VCAN: variants seen among roughly 807,000 people sequenced by gnomAD.
The protein encoded by VCAN is versican core protein.
A neutral mutation model predicts 245.5 loss-of-function variants in VCAN; 44 were observed. That is an observed-to-expected ratio of 0.18 (90% CI 0.14 to 0.23). VCAN has a LOEUF of 0.23. Among genes scored for constraint, VCAN ranks in the 10% least tolerant of loss-of-function variants. VCAN has a pLI of 1.00. For missense variants in VCAN, 3,793 were observed against 4,057.9 expected, an observed-to-expected ratio of 0.93 and a Z score of 1.77; for synonymous variants, 1,413 against 1,437.0, an observed-to-expected ratio of 0.98 and a Z score of 0.38.
intron 7 of VCAN, among the ~76,000 whole-genome samples, chr5:83,525,744 TAGAA>T (rs1264897746): frequency 6.6e-6 from 1 of 152,258 alleles, no homozygotes; most frequent in South Asian, 2.1e-4. Context: ...AATTAAATGA[TAGAA>T]AGATTAAGAT....
chr5:83,556,931 A>G (rs1288164548), intron 12 of VCAN, among the ~76,000 whole-genome samples: 4 of 152,164 alleles, frequency 2.6e-5, no homozygotes, highest in Admixed American at 2.6e-4. Flanking sequence ...TAGGGTGCCC[A>G]CTATTAAGTC....
At chr5:83,552,688 T>A (rs1747514006) in intron 10 of VCAN, among the ~76,000 whole-genome samples, 1 of 152,060 alleles carries the variant, frequency 6.6e-6, no homozygotes, top group Non-Finnish European at 1.5e-5. Flanking sequence ...CCTGGTGGAA[T>A]GGGGGGGTGA....
intron 13 of VCAN, among the ~76,000 whole-genome samples, chr5:83,577,367 T>A (rs1266399770): frequency 6.6e-6 from 1 of 152,190 alleles, no homozygotes; most frequent in African/African-American, 2.4e-5. Flanking sequence ...CATAGAGCAT[T>A]TTAGCTTGTA....
intron 7 of VCAN, among the ~76,000 whole-genome samples, chr5:83,532,712 T>TA (rs201466418): frequency 2.8e-4 from 42 of 151,272 alleles, no homozygotes; most frequent in African/African-American, 8.7e-4. Context: ...ACAACCTGTC[T>TA]AAAAAAAAAT....
At chr5:83,514,588 G>A (rs1242437434) in intron 6 of VCAN, among the ~76,000 whole-genome samples, 2 of 151,816 alleles carry the variant, frequency 1.3e-5, no homozygotes, top group African/African-American at 4.8e-5. Flanking sequence ...AGCCACCCAA[G>A]TAGCTGGGTT....
intron 5 of VCAN, among the ~76,000 whole-genome samples, chr5:83,500,303 C>T (rs1457895539): frequency 2.0e-5 from 3 of 152,074 alleles, no homozygotes; most frequent in Non-Finnish European, 4.4e-5. Context: ...TTTAATTATC[C>T]GTAGCTTCCT....
In VCAN at chr5:83,580,162, C is replaced by T. The variant is rs572990120; in HGVS notation, c.10063C>T (p.Pro3355Ser). The T allele has an allele frequency of 1.8e-5, 29 of 1,613,970 alleles. No individual in the cohort carries two copies. Among genetic ancestry groups the T allele is most frequent in the African/African-American group, 5.3e-5 (4 of 75,030 alleles). The change falls in exon 14 of 15, where the codon CCA becomes TCA. Residue 3355 changes from proline (P) to serine (S), a missense_variant and splice_region_variant. Pro to Ser is a moderately conservative substitution (Grantham distance 74). Transcript: ENST00000265077. ...WAIPKITCMN[P>S]SAYQRTYSMK... The stretch of plus-strand genomic sequence containing the variant: ...TATACCTAAAATTACCTGCATGAAC[C>T]GTAAGTGGTCCTTTAGAAAGAATGG...
chr5:83,477,306 G>A (rs1744424354), intron 1 of VCAN, among the ~76,000 whole-genome samples: 1 of 152,122 alleles, frequency 6.6e-6, no homozygotes, highest in Admixed American at 6.5e-5. Flanking sequence ...ATAAATCAGA[G>A]AGGGGCATAT....
chr5:83,475,785 T>C lies in VCAN; in HGVS notation c.-7+3762T>C, dbSNP rs150438831. ...AAGTCCACAGTCCTTAATCTTCTTG[T>C]GAGAAGATTAGGTAGGAAGCGGGAT... On this transcript the variant is annotated intron_variant, in intron 1 of 14. Transcript: ENST00000265077. Among the ~76,000 whole-genome samples, 511 of 152,326 alleles carry C rather than the reference T, an allele frequency of 3.4e-3. 4 individuals carry two copies. The highest frequency in any genetic ancestry group is 6.8e-3 in the Middle Eastern group (2 of 294).
At chr5:83,554,833 C>T in intron 11 of VCAN, 123 bp from the exon 12 acceptor site, 1 of 897,186 alleles carries the variant, frequency 1.1e-6, no homozygotes, top group Non-Finnish European at 1.8e-6. Flanking sequence ...TTATGAGCAA[C>T]TAAATAAAAA....
intron 12 of VCAN, among the ~76,000 whole-genome samples, chr5:83,566,710 T>G (rs550130433): frequency 4.1e-4 from 63 of 152,292 alleles, no homozygotes; most frequent in African/African-American, 1.4e-3. Flanking sequence ...TACATGGAAT[T>G]GAGGTCACTC....
In VCAN at chr5:83,581,464, ATGT is replaced by A. The variant is rs1748677779; in HGVS notation, c.*1032_*1034del. 6.6e-6 allele frequency: 1 copy of A among 152,084 alleles called. No individual in the cohort carries two copies. The highest frequency in any genetic ancestry group is 2.4e-5 in the African/African-American group (1 of 41,392). The allele number at this position is 152,084 out of a possible 1,614,324, so 9.4% of individuals were successfully genotyped here. On this transcript the variant is annotated 3_prime_UTR_variant, in exon 15 of 15. Transcript: ENST00000265077. ...AAGCCATACTGATTTAATTTATTGG[ATGT>A]TATTTTCCCTAAGACCTGAAAATGA...
rs369600306 is a variant in VCAN, at chr5:83,580,523, A to G, written c.*89A>G. The stretch of plus-strand genomic sequence containing the variant: ...CCTATCACCTCGAGAAGTAATTATC[A>G]GTTGGTTTGGATTTTTGGACCACCG... On this transcript the variant is annotated 3_prime_UTR_variant, in exon 15 of 15. Coordinates refer to ENST00000265077, the MANE Select transcript of VCAN (RefSeq NM_004385.5). 8.8e-4 allele frequency: 1,382 copies of G among 1,575,418 alleles called. 20 individuals are homozygous for G. In the South Asian group the frequency reaches 0.015, roughly 17 times the overall value.
intron 5 of VCAN, among the ~76,000 whole-genome samples, chr5:83,499,812 T>G (rs1265763174): frequency 1.3e-5 from 2 of 152,212 alleles, no homozygotes; most frequent in African/African-American, 4.8e-5. Flanking sequence ...CAGGATGGCT[T>G]TGTCACCTCT....
chr5:83,574,927 T>C (rs1748418628), intron 13 of VCAN, among the ~76,000 whole-genome samples: 1 of 152,230 alleles, frequency 6.6e-6, no homozygotes, highest in Admixed American at 6.5e-5. Context: ...TAAAGCACGC[T>C]GTACAGACTT....
At position 83,483,725 on chromosome 5, in the gene VCAN, A is replaced by C. The variant is rs530719078; in HGVS notation, c.70+137A>C. On this transcript the variant is annotated intron_variant, in intron 2 of 14. Coordinates refer to ENST00000265077, the MANE Select transcript of VCAN (RefSeq NM_004385.5). ...TAAGTGCTGAAAACTATCAGTTAAA[A>C]TATTATTGGACCAAAAACATTAGTT... 7.4e-6 allele frequency: 6 copies of C among 814,674 alleles called. No homozygotes were observed. The Admixed American group carries it at 8.7e-5, about 12-fold the overall frequency. The allele number at this position is 814,674 out of a possible 1,614,324, so 50.5% of individuals were successfully genotyped here.
intron 6 of VCAN, among the ~76,000 whole-genome samples, chr5:83,513,417 G>A (rs961846377): frequency 6.6e-6 from 1 of 152,146 alleles, no homozygotes; most frequent in Non-Finnish European, 1.5e-5. Context: ...AAATACACAG[G>A]CATTTTTAAG....
intron 10 of VCAN, among the ~76,000 whole-genome samples, chr5:83,552,595 A>G (rs1268551877): frequency 1.3e-5 from 2 of 152,146 alleles, no homozygotes; most frequent in South Asian, 4.1e-4. Flanking sequence ...TTTGAAAAAT[A>G]TTATTGTCCC....
chr5:83,515,687 C>G (rs1745820530), intron 6 of VCAN, among the ~76,000 whole-genome samples: 1 of 152,294 alleles, frequency 6.6e-6, no homozygotes, highest in Non-Finnish European at 1.5e-5. Flanking sequence ...GTTTAGAAAT[C>G]AAGATGGTGG....
Sources: gnomAD v4.1 joint callset for allele counts (sites outside exome capture counted in the v4.1 genomes callset) on GRCh38, gnomAD v4.1.1 for gene constraint, MANE v1.5 for transcripts, NCBI Gene and HGNC (gene_info 2026-07-23, HGNC 2026-07-21) for gene names.